The following ZNF773 variants were observed in gnomAD, a reference collection of about 807,000 sequenced individuals.
ZNF773 encodes zinc finger protein 773, also known as zinc finger protein 419B.
ZNF773 carries 11 observed loss-of-function variants against 12.8 expected under a neutral mutation model. The ratio of observed to expected loss-of-function variants is 0.86; its 90% CI spans 0.54 to 1.42. The LOEUF (loss-of-function observed/expected upper bound fraction) is 1.42, where lower values mean the gene tolerates loss of function less well. Ranked by LOEUF, ZNF773 falls within the 40% of genes most tolerant of loss-of-function variation. ZNF773 has a pLI of 0.00. For missense variants in ZNF773, 518 were observed against 527.2 expected, an observed-to-expected ratio of 0.98 and a Z score of 0.17; for synonymous variants, 175 against 178.4, an observed-to-expected ratio of 0.98 and a Z score of 0.15.
rs76053898 is a variant in ZNF773 at position 57,502,618 on chromosome 19, T to G, written c.34-2039T>G. On this transcript the variant is annotated intron_variant, in intron 1 of 3. Transcript: ENST00000282292. ...CAGCAAAGAGGCTACTACAGTAGTC[T>G]GTGTGAGTGCTGGACCAGAGTGGTG... Among the ~76,000 whole-genome samples the G allele has an allele frequency of 1.7e-3, 264 of 152,322 alleles. 11 individuals carry two copies. The East Asian group carries it at 0.048, about 28-fold the overall frequency.
downstream of ZNF773, among the ~76,000 whole-genome samples, chr19:57,511,976 G>A (rs940115437): frequency 1.3e-5 from 2 of 152,188 alleles, no homozygotes; most frequent in African/African-American, 4.8e-5. Flanking sequence ...GTAAAAGAAT[G>A]CAGATCACTG....
downstream of ZNF773, chr19:57,515,720 GC>G (rs1484898827): frequency 3.9e-5 from 6 of 152,146 alleles, no homozygotes; most frequent in African/African-American, 1.4e-4. Flanking sequence ...ACAGTTATGG[GC>G]AATCACTCAT....
At chr19:57,511,399 A>G (rs2089794088), downstream of ZNF773, among the ~76,000 whole-genome samples, 1 of 152,160 alleles carries the variant, frequency 6.6e-6, no homozygotes, top group Admixed American at 6.5e-5. Flanking sequence ...TGACTTCAAG[A>G]CTTATGAATG....
chr19:57,507,648 T>G lies in ZNF773; in HGVS notation c.*224T>G. On this transcript the variant is annotated 3_prime_UTR_variant, in exon 4 of 4. Transcript: ENST00000282292. Reference sequence around the variant, plus strand: ...AGAAAGTTTAGACTGGAGAAAGGCCTTAGACTGTCGCTGAATCAATATGAC... The same window carrying G: ...AGAAAGTTTAGACTGGAGAAAGGCCGTAGACTGTCGCTGAATCAATATGAC... 1 of 1,355,786 alleles carries G rather than the reference T, an allele frequency of 7.4e-7. No homozygotes were observed. 84.0% of individuals were successfully genotyped at this position (1,355,786 alleles called of 1,614,324 possible).
chr19:57,513,802 T>C (rs2089815112), downstream of ZNF773: 1 of 152,258 alleles, frequency 6.6e-6, no homozygotes, highest in South Asian at 2.1e-4. Context: ...GAGCTATTAA[T>C]GCACAGATTA....
At chr19:57,515,827 A>G (rs1232052427), downstream of ZNF773, 1 of 152,266 alleles carries the variant, frequency 6.6e-6, no homozygotes, top group Non-Finnish European at 1.5e-5. Context: ...AATGGGGACT[A>G]GGAGACCAGC....
At chr19:57,516,913 C>T (rs2106826), downstream of ZNF773, 31,444 of 152,188 alleles carry the variant, frequency 0.21, 3,375 homozygotes, top group African/African-American at 0.25. Flanking sequence ...AACATCTCTT[C>T]GCTACATCCC....
intron 3 of ZNF773, among the ~76,000 whole-genome samples, 156 bp downstream of exon 3, chr19:57,505,556 C>T (rs2089720272): frequency 6.6e-6 from 1 of 152,054 alleles, no homozygotes; most frequent in Admixed American, 6.6e-5. Context: ...TATATCTATT[C>T]TGATAGTTGA....
rs112434619 is a variant in ZNF773 at position 57,502,933 on chromosome 19, C to T, written c.34-1724C>T. Among the ~76,000 whole-genome samples the T allele has an allele frequency of 5.9e-3, 900 of 152,200 alleles. 6 individuals are homozygous for T. Among genetic ancestry groups the T allele is most frequent in the Non-Finnish European group, 8.0e-3 (542 of 68,014 alleles). On this transcript the variant is annotated intron_variant, in intron 1 of 3. Coordinates refer to ENST00000282292, the MANE Select transcript of ZNF773 (RefSeq NM_198542.3). ...ATCTCGATCTCCTAACCTCATGATC[C>T]GCCCGCTTTGGCCTCCCAAAGTGCT...
intron 1 of ZNF773, 102 bp downstream of exon 1, chr19:57,500,215 G>C: frequency 7.0e-7 from 1 of 1,419,020 alleles, no homozygotes; most frequent in Non-Finnish European, 9.3e-7. Flanking sequence ...CGTGGGCGGC[G>C]TCCCGTTTCT....
chr19:57,506,290 A>T (rs2089732146), intron 3 of ZNF773, 68 bp from the exon 4 acceptor site: 1 of 1,538,404 alleles, frequency 6.5e-7, no homozygotes, highest in Admixed American at 2.1e-5. Context: ...TGTGTCAGAC[A>T]CGTGTGAGAG....
At chr19:57,501,825 G>T (rs2089673749) in intron 1 of ZNF773, among the ~76,000 whole-genome samples, 1 of 152,038 alleles carries the variant, frequency 6.6e-6, no homozygotes, top group South Asian at 2.1e-4. Flanking sequence ...TACCTACATG[G>T]TCTTCAGAAT....
At chr19:57,508,775 G>C (rs66521666), downstream of ZNF773, among the ~76,000 whole-genome samples, 31,232 of 145,262 alleles carry the variant, frequency 0.22, 3,552 homozygotes, top group African/African-American at 0.29. Flanking sequence ...TGTATTTTTC[G>C]AATGACTCAG....
At chr19:57,513,063 G>A, downstream of ZNF773, 1 of 1,545,944 alleles carries the variant, frequency 6.5e-7, no homozygotes, top group Non-Finnish European at 8.7e-7. Context: ...ACAGGGACGT[G>A]AGTGAAGAAG....
Position 57,504,698 on chromosome 19 carries a change from C to G in ZNF773, c.75C>G (p.Ser25=), listed in dbSNP as rs1260444014. Residue 25 remains serine (S), a synonymous_variant, in exon 2 of 4, where the codon TCC becomes TCG. Transcript: ENST00000282292. Reference sequence around the variant, plus strand: ...TTGAGGACGTGGCTGTCTACTTCTCCCAGGAGGAATGGAGATTGCTTGATG... The same window carrying G: ...TTGAGGACGTGGCTGTCTACTTCTCGCAGGAGGAATGGAGATTGCTTGATG... ...VTFEDVAVYF[S]QEEWRLLDDA... The G allele has an allele frequency of 6.2e-7, 1 of 1,614,026 alleles. No individual in the cohort carries two copies. The highest frequency in any genetic ancestry group is 8.5e-7 in the Non-Finnish European group (1 of 1,180,014).
chr19:57,500,017 G>C lies in ZNF773; in HGVS notation c.-64G>C, dbSNP rs1304613144. 14 of 1,530,490 alleles carry C rather than the reference G, an allele frequency of 9.1e-6. No individual in the cohort carries two copies. Among genetic ancestry groups the C allele is most frequent in the South Asian group, 3.6e-5 (3 of 82,454 alleles). The allele number at this position is 1,530,490 out of a possible 1,614,324, so 94.8% of individuals were successfully genotyped here. A position where few individuals can be genotyped will look rare whatever the true frequency, so the allele number is the denominator to read the frequency against. On this transcript the variant is annotated 5_prime_UTR_variant, in exon 1 of 4. Coordinates refer to ENST00000282292, the MANE Select transcript of ZNF773 (RefSeq NM_198542.3). Reference sequence around the variant, plus strand: ...CAGCTCAGAGGCGGGTCTGAGGCTCGGTGGCGGCGCCCAGGGTGGCCCGGG... The same window carrying C: ...CAGCTCAGAGGCGGGTCTGAGGCTCCGTGGCGGCGCCCAGGGTGGCCCGGG...
In ZNF773 at chr19:57,506,893, G is replaced by A; in HGVS notation, c.798G>A (p.Gln266=). Residue 266 remains glutamine (Q), a synonymous_variant, in exon 4 of 4, where the codon CAG becomes CAA. Coordinates refer to ENST00000282292, the MANE Select transcript of ZNF773 (RefSeq NM_198542.3). ...FSRNADLIQH[Q]RVHTGEKPFT... ...GTAATGCTGACCTCATTCAACACCA[G>A]AGAGTTCACACTGGAGAAAAGCCTT... 6.2e-7 allele frequency: 1 copy of A among 1,614,098 alleles called. No homozygotes were observed. The highest frequency in any genetic ancestry group is 1.1e-5 in the South Asian group (1 of 91,060).
At position 57,507,520 on chromosome 19, in the gene ZNF773, A is replaced by G. The variant is rs898965197; in HGVS notation, c.*96A>G. On this transcript the variant is annotated 3_prime_UTR_variant, in exon 4 of 4. Transcript: ENST00000282292. ...TGAAGGTTACTAATGGAAATCCATT[A>G]GCTATACCTCCAAACTCATTCAACA... 1.1e-5 allele frequency: 17 copies of G among 1,484,220 alleles called. No individual in the cohort carries two copies. The African/African-American group carries it at 2.4e-4, about 21-fold the overall frequency. 91.9% of individuals were successfully genotyped at this position (1,484,220 alleles called of 1,614,324 possible). A position where few individuals can be genotyped will look rare whatever the true frequency, so the allele number is the denominator to read the frequency against.
At chr19:57,508,498 G>A (rs1307038369), downstream of ZNF773, 22 of 699,500 alleles carry the variant, frequency 3.1e-5, no homozygotes, top group Non-Finnish European at 5.5e-5. Flanking sequence ...AGACTGAATT[G>A]TGTTTTTATA....
Sources: allele counts gnomAD v4.1 joint callset (sites outside exome capture counted in the v4.1 genomes callset), GRCh38; gene constraint gnomAD v4.1.1; transcripts MANE v1.5; gene names NCBI Gene and HGNC (gene_info 2026-07-23, HGNC 2026-07-21).